CHFR: variants seen among roughly 807,000 people sequenced by gnomAD.
The protein encoded by CHFR is E3 ubiquitin-protein ligase CHFR.
In CHFR, 57 loss-of-function variants were observed where a neutral mutation model predicts 87.6. That is an observed-to-expected ratio of 0.65 (90% CI 0.53 to 0.81). CHFR has a LOEUF of 0.81. Ranked by LOEUF, CHFR falls within the 30% of genes least tolerant of loss-of-function variation. The pLI is 0.00. For synonymous variants in CHFR, 381 were observed against 359.2 expected (o/e 1.06, Z -0.69); for missense variants, 797 against 865.8 (o/e 0.92, Z 1.00).
intron 11 of CHFR, among the ~76,000 whole-genome samples, chr12:132,852,270 G>A (rs1413255852): frequency 6.6e-6 from 1 of 151,994 alleles, no homozygotes; most frequent in Admixed American, 6.6e-5. Flanking sequence ...TTACAGGCAT[G>A]AGCCACCGTG....
At chr12:132,863,539 A>AC (rs1460044473) in intron 6 of CHFR, among the ~76,000 whole-genome samples, 4 of 152,082 alleles carry the variant, frequency 2.6e-5, no homozygotes, top group Non-Finnish European at 5.9e-5. Context: ...AAACAAACAA[A>AC]AAAAAACAGA....
intron 2 of CHFR, among the ~76,000 whole-genome samples, chr12:132,879,975 T>G (rs1055506628): frequency 3.3e-5 from 5 of 152,238 alleles, no homozygotes; most frequent in African/African-American, 1.2e-4. Flanking sequence ...AGACTCAGTA[T>G]TGTTAAAATG....
Position 132,856,064 on chromosome 12 carries a change from G to A in CHFR, c.1229+404C>T, listed in dbSNP as rs529458682. On this transcript the variant is annotated intron_variant, in intron 10 of 17. Coordinates refer to ENST00000450056, the MANE Select transcript of CHFR (RefSeq NM_001161346.2). ...ATTTATACTATAGGACTTTATAGTC[G>A]CTAGATCAACTACAAAGAATACATG... 2.9e-4 allele frequency among the ~76,000 whole-genome samples: 44 copies of A among 152,236 alleles called. No individual in the cohort carries two copies. The South Asian group carries it at 7.9e-3, about 27-fold the overall frequency.
At chr12:132,873,398 G>C (rs1951537631) in intron 3 of CHFR, among the ~76,000 whole-genome samples, 1 of 152,222 alleles carries the variant, frequency 6.6e-6, no homozygotes, top group Non-Finnish European at 1.5e-5. Flanking sequence ...GTGTGTCTGA[G>C]TTCTGCTGTT....
chr12:132,862,438 C>CA, intron 6 of CHFR: 1 of 448,694 alleles, frequency 2.2e-6, no homozygotes, highest in South Asian at 1.6e-5. Context: ...ACAAAAAATA[C>CA]AAAAAAGAAA....
Position 132,878,832 on chromosome 12 carries a change from A to G in CHFR, c.134-1178T>C, listed in dbSNP as rs867139276. ...AAGACTCTGTCTCAAAAAAAAAAAA[A>G]GAAAAAAAAAAACTCAGGGGCTTAA... On this transcript the variant is annotated intron_variant, in intron 2 of 17. Transcript: ENST00000450056. Among the ~76,000 whole-genome samples the G allele has an allele frequency of 4.8e-3, 634 of 132,646 alleles. 5 individuals are homozygous for G. The highest frequency in any genetic ancestry group is 0.015 in the African/African-American group (589 of 38,740). 87.0% of individuals were successfully genotyped at this position (132,646 alleles called of 152,430 possible).
intron 12 of CHFR, among the ~76,000 whole-genome samples, chr12:132,851,321 A>G (rs764710128): frequency 6.6e-6 from 1 of 152,122 alleles, no homozygotes; most frequent in African/African-American, 2.4e-5. Flanking sequence ...CAACATTCAT[A>G]TAAGAGGTTT....
At chr12:132,862,142 G>T (rs1951223376) in intron 6 of CHFR, among the ~76,000 whole-genome samples, 1 of 152,106 alleles carries the variant, frequency 6.6e-6, no homozygotes, top group Non-Finnish European at 1.5e-5. Flanking sequence ...AGGCGTGGTG[G>T]CGAGTGCATG....
chr12:132,882,271 CAGA>C (rs935061461), intron 2 of CHFR, among the ~76,000 whole-genome samples: 3 of 152,170 alleles, frequency 2.0e-5, no homozygotes, highest in African/African-American at 7.2e-5. Context: ...AAGCCAGGCG[CAGA>C]AGATGATGGC....
intron 2 of CHFR, among the ~76,000 whole-genome samples, chr12:132,882,253 A>G (rs1951786442): frequency 6.6e-6 from 1 of 152,214 alleles, no homozygotes; most frequent in Non-Finnish European, 1.5e-5. Flanking sequence ...GGTGCGTGCC[A>G]GGGAAAGAAG....
At position 132,856,406 on chromosome 12, in the gene CHFR, G is replaced by C. The variant is rs2306539; in HGVS notation, c.1229+62C>G. On this transcript the variant is annotated intron_variant, in intron 10 of 17. Coordinates refer to ENST00000450056, the MANE Select transcript of CHFR (RefSeq NM_001161346.2). ...GCTGTCCACCCAGTAGTGAGCTCTC[G>C]GTCACGGTTGTGATGCTCCTCTGGC... The C allele has an allele frequency of 2.5e-6, 4 of 1,573,338 alleles. No individual in the cohort carries two copies. In the Admixed American group the frequency reaches 5.0e-5, roughly 20 times the overall value.
At chr12:132,853,322 A>G (rs1359060309) in intron 11 of CHFR, 109 bp downstream of exon 11, 1 of 1,198,260 alleles carries the variant, frequency 8.3e-7, no homozygotes, top group Admixed American at 3.8e-5. Flanking sequence ...AAAGGGGGCG[A>G]GCAGTGCAGA....
intron 8 of CHFR, among the ~76,000 whole-genome samples, chr12:132,858,465 C>A (rs1951134782): frequency 6.6e-6 from 1 of 152,028 alleles, no homozygotes; most frequent in Admixed American, 6.6e-5. Context: ...TGGCTCACGC[C>A]TATAATCCCA....
rs112051151 is a variant in CHFR at position 132,847,003 on chromosome 12, T to A, written c.1735+40A>T. The A allele has an allele frequency of 3.4e-6, 5 of 1,468,854 alleles. No individual in the cohort carries two copies. In the East Asian group the frequency reaches 1.1e-4, roughly 33 times the overall value. 91.0% of individuals were successfully genotyped at this position (1,468,854 alleles called of 1,614,324 possible). The stretch of plus-strand genomic sequence containing the variant: ...GACACGCAGGCACAGCCCTGGACAC[T>A]CACATGCGCCTTAGAGCAGGAGGCA... On this transcript the variant is annotated intron_variant, in intron 15 of 17. Coordinates refer to ENST00000450056, the MANE Select transcript of CHFR (RefSeq NM_001161346.2).
At position 132,840,941 on chromosome 12, in the gene CHFR, A is replaced by G. The variant is rs1950694997; in HGVS notation, c.*613T>C. Reference sequence around the variant, plus strand: ...TTCTTTTTTTAATAAACAGAAGCATATGCTTATTCTTTCAAATACCATACT... The same window carrying G: ...TTCTTTTTTTAATAAACAGAAGCATGTGCTTATTCTTTCAAATACCATACT... On this transcript the variant is annotated 3_prime_UTR_variant, in exon 18 of 18. Transcript: ENST00000450056. 6.6e-6 allele frequency: 1 copy of G among 152,600 alleles called. No individual in the cohort carries two copies. Among genetic ancestry groups the G allele is most frequent in the African/African-American group, 2.4e-5 (1 of 41,466 alleles). The allele number at this position is 152,600 out of a possible 1,614,324, so 9.5% of individuals were successfully genotyped here.
chr12:132,875,901 G>A (rs998187599), intron 3 of CHFR, among the ~76,000 whole-genome samples: 23 of 152,156 alleles, frequency 1.5e-4, no homozygotes, highest in South Asian at 4.1e-4. Context: ...CTGGCCGGGC[G>A]CGATGGCTCA....
intron 9 of CHFR, 106 bp downstream of exon 9, chr12:132,857,299 C>A (rs1951101552): frequency 4.2e-6 from 5 of 1,203,562 alleles, no homozygotes; most frequent in South Asian, 1.4e-5. Flanking sequence ...GGAGGGACAG[C>A]CCTCACGTGC....
chr12:132,886,028 C>G (rs1011822729), intron 2 of CHFR, among the ~76,000 whole-genome samples: 5 of 152,114 alleles, frequency 3.3e-5, no homozygotes, highest in Non-Finnish European at 7.4e-5. Context: ...AAAACAAAAC[C>G]AGGTCAGACA....
rs542691026 is a variant in CHFR at position 132,857,278 on chromosome 12, C to T, written c.1066+127G>A. 8.3e-4 allele frequency: 796 copies of T among 957,102 alleles called. 8 individuals carry two copies. In the South Asian group the frequency reaches 0.012, roughly 14 times the overall value. The allele number at this position is 957,102 out of a possible 1,614,324, so 59.3% of individuals were successfully genotyped here. A position where few individuals can be genotyped will look rare whatever the true frequency, so the allele number is the denominator to read the frequency against. ...GGTGGAGGGACCACCCTCACGTGCC[C>T]GGGTGCTGGTGGAGGGACAGCCCTC... On this transcript the variant is annotated intron_variant, in intron 9 of 17. Transcript: ENST00000450056.
Sources: allele counts gnomAD v4.1 joint callset (sites outside exome capture counted in the v4.1 genomes callset), GRCh38; gene constraint gnomAD v4.1.1; transcripts MANE v1.5; gene names NCBI Gene and HGNC (gene_info 2026-07-23, HGNC 2026-07-21).